Variants in CNTN5 observed in about 807,000 individuals in gnomAD.
CNTN5 encodes contactin-5.
CNTN5 carries 77 observed loss-of-function variants against 129.1 expected under a neutral mutation model. That is an observed-to-expected ratio of 0.60 (90% CI 0.50 to 0.72). The LOEUF (loss-of-function observed/expected upper bound fraction) is 0.72. CNTN5 is among the 30% of genes least tolerant of loss of function. CNTN5 has a pLI of 0.00. For synonymous variants in CNTN5, 509 were observed against 465.6 expected (o/e 1.09, Z -1.20); for missense variants, 1,478 against 1,328.8 (o/e 1.11, Z -1.75).
chr11:100,273,062 T>C (rs1214784326), intron 18 of CNTN5, among the ~76,000 whole-genome samples: 2 of 152,106 alleles, frequency 1.3e-5, no homozygotes, highest in African/African-American at 2.4e-5. Flanking sequence ...GTTTTGCCCA[T>C]CAGATGGGGC....
At chr11:99,625,917 TATATATAC>T (rs150761019) in intron 3 of CNTN5, among the ~76,000 whole-genome samples, 19,286 of 126,826 alleles carry the variant, frequency 0.15, 1,373 homozygotes, top group South Asian at 0.3. Context: ...TATATATATA[TATATATAC>T]ACACACACAC....
chr11:99,306,248 G>C (rs1219557497), intron 1 of CNTN5, among the ~76,000 whole-genome samples: 1 of 152,116 alleles, frequency 6.6e-6, no homozygotes, highest in South Asian at 2.1e-4. Context: ...AAAATCCAAG[G>C]TGTGACATTT....
chr11:99,060,593 T>G (rs1319936910), intron 1 of CNTN5, among the ~76,000 whole-genome samples: 1 of 150,198 alleles, frequency 6.7e-6, no homozygotes. Context: ...AGAAATGAGC[T>G]TAAAATATGG....
At chr11:100,211,180 T>C (rs1165628014) in intron 15 of CNTN5, among the ~76,000 whole-genome samples, 1 of 152,120 alleles carries the variant, frequency 6.6e-6, no homozygotes, top group Non-Finnish European at 1.5e-5. Flanking sequence ...CAATTACTTT[T>C]AACATTAAGA....
chr11:99,452,372 G>GTTTTTTTTTTTTTTTTTT, intron 2 of CNTN5, among the ~76,000 whole-genome samples: 1 of 104,358 alleles, frequency 9.6e-6, no homozygotes, highest in Non-Finnish European at 1.9e-5. Context: ...AAACACAGGT[G>GTTTTTTTTTTTTTTTTTT]TTTTTTTTTT....
chr11:99,799,300 G>C (rs1189753676), intron 3 of CNTN5, among the ~76,000 whole-genome samples: 1 of 151,504 alleles, frequency 6.6e-6, no homozygotes, highest in Non-Finnish European at 1.5e-5. Flanking sequence ...TAGGAGTGGT[G>C]AGAATGGCGC....
At chr11:99,104,616 G>GTATA (rs34078461) in intron 1 of CNTN5, among the ~76,000 whole-genome samples, 126 of 142,796 alleles carry the variant, frequency 8.8e-4, no homozygotes, top group East Asian at 4.7e-3. Flanking sequence ...CAATGTGTGT[G>GTATA]TATATATATA....
At chr11:99,545,242 C>T (rs1031335411) in intron 2 of CNTN5, among the ~76,000 whole-genome samples, 7 of 152,112 alleles carry the variant, frequency 4.6e-5, no homozygotes, top group African/African-American at 1.7e-4. Context: ...TCAAACATTG[C>T]CTTGGAATTA....
chr11:99,929,064 G>C (rs1403379672), intron 7 of CNTN5, among the ~76,000 whole-genome samples: 1 of 152,150 alleles, frequency 6.6e-6, no homozygotes, highest in Non-Finnish European at 1.5e-5. Flanking sequence ...CAGATCCCCA[G>C]GGTGGGGGCA....
At chr11:100,161,716 G>A (rs1216296365) in intron 13 of CNTN5, among the ~76,000 whole-genome samples, 1 of 151,390 alleles carries the variant, frequency 6.6e-6, no homozygotes, top group Non-Finnish European at 1.5e-5. Context: ...TTTTATGCTA[G>A]ACATACATAT....
rs74326425 is a variant in CNTN5, at chr11:100,206,296, G to A, written c.1884+12633G>A. 5.2e-3 allele frequency among the ~76,000 whole-genome samples: 798 copies of A among 152,082 alleles called. 7 individuals carry two copies. Among genetic ancestry groups the A allele is most frequent in the African/African-American group, 0.018 (736 of 41,506 alleles). On this transcript the variant is annotated intron_variant, in intron 15 of 24. Coordinates refer to ENST00000524871, the MANE Select transcript of CNTN5 (RefSeq NM_014361.4). The stretch of plus-strand genomic sequence containing the variant: ...ATGATGAAATATGGGAGATACTGAA[G>A]TTTTGTCTACTAAATCCCAATAATA...
chr11:99,823,514 A>C (rs1274127901), intron 4 of CNTN5, among the ~76,000 whole-genome samples: 1 of 150,042 alleles, frequency 6.7e-6, no homozygotes, highest in Admixed American at 6.7e-5. Flanking sequence ...AGAAAATCTG[A>C]AAAAAAAAGG....
At chr11:100,110,214 AAAGAT>A (rs1202645814) in intron 13 of CNTN5, among the ~76,000 whole-genome samples, 2 of 150,714 alleles carry the variant, frequency 1.3e-5, no homozygotes, top group African/African-American at 4.9e-5. Context: ...AAGAAAAAGA[AAAGAT>A]AAAACATAAA....
At chr11:100,157,849 TA>T (rs1410121555) in intron 13 of CNTN5, among the ~76,000 whole-genome samples, 1 of 94,890 alleles carries the variant, frequency 1.1e-5, no homozygotes, top group Non-Finnish European at 2.5e-5. Flanking sequence ...TATAGATAAA[TA>T]AAAAAAGCAT....
chr11:99,432,439 CCTTTT>C (rs1176549750), intron 2 of CNTN5, among the ~76,000 whole-genome samples: 98 of 113,282 alleles, frequency 8.7e-4, no homozygotes, highest in African/African-American at 2.8e-3. Context: ...CCTTTTCTTT[CCTTTT>C]CTTTTCTTTT....
intron 21 of CNTN5, among the ~76,000 whole-genome samples, chr11:100,330,187 T>C (rs1951875853): frequency 6.6e-6 from 1 of 152,136 alleles, no homozygotes; most frequent in African/African-American, 2.4e-5. Flanking sequence ...CAAAATGCAC[T>C]GGAAAATCTC....
chr11:100,196,147 C>A (rs765285718), intron 15 of CNTN5, among the ~76,000 whole-genome samples: 1 of 151,906 alleles, frequency 6.6e-6, no homozygotes, highest in Middle Eastern at 3.4e-3. Context: ...AATGGGATTC[C>A]GGGACTTAAG....
At chr11:99,488,200 T>C (rs546968122) in intron 2 of CNTN5, among the ~76,000 whole-genome samples, 1 of 142,274 alleles carries the variant, frequency 7.0e-6, no homozygotes, top group African/African-American at 2.6e-5. Flanking sequence ...TGACATGGAG[T>C]CTCGCTCTGT....
intron 3 of CNTN5, among the ~76,000 whole-genome samples, chr11:99,656,502 A>G (rs1952370696): frequency 2.0e-5 from 3 of 149,396 alleles, no homozygotes; most frequent in African/African-American, 7.3e-5. Flanking sequence ...AACACTTGAG[A>G]AGGGCAAAAT....
Sources: gnomAD v4.1 joint callset for allele counts (sites outside exome capture counted in the v4.1 genomes callset) on GRCh38, gnomAD v4.1.1 for gene constraint, MANE v1.5 for transcripts, NCBI Gene and HGNC (gene_info 2026-07-23, HGNC 2026-07-21) for gene names.